Variants in GRIA3 observed in about 807,000 individuals in gnomAD.
The protein encoded by GRIA3 is glutamate receptor 3.
A neutral mutation model predicts 63.0 loss-of-function variants in GRIA3; 3 were observed. The ratio of observed to expected loss-of-function variants is 0.05; its 90% CI spans 0.02 to 0.12. The LOEUF (loss-of-function observed/expected upper bound fraction) is 0.12, where lower values mean the gene tolerates loss of function less well. GRIA3 is among the 10% of genes least tolerant of loss of function. The pLI is 1.00. For missense variants in GRIA3, 347 were observed against 700.9 expected (o/e 0.50, Z 5.70); for synonymous variants, 274 against 257.9 (o/e 1.06, Z -0.60).
At chrX:123,435,725 A>G (rs937530732) in intron 12 of GRIA3, among the ~76,000 whole-genome samples, 2 of 112,394 alleles carry the variant, frequency 1.8e-5, no homozygotes, top group Non-Finnish European at 3.8e-5. Flanking sequence ...CTCTATTATT[A>G]CATGGCTTGT....
rs112753445 is a variant in GRIA3, at chrX:123,195,805, A to G, written c.268+9815A>G. On this transcript the variant is annotated intron_variant, in intron 2 of 15. Coordinates refer to ENST00000620443, the MANE Select transcript of GRIA3 (RefSeq NM_007325.5). ...AACAGCAGAGAGAAAAGCTCTTCTC[A>G]GTAAAAACTCTATTTTGACTTTCTT... Among the ~76,000 whole-genome samples, 523 of 111,965 alleles carry G rather than the reference A, an allele frequency of 4.7e-3. 2 individuals carry two copies. The highest frequency in any genetic ancestry group is 7.7e-3 in the Non-Finnish European group (408 of 53,173).
intron 3 of GRIA3, among the ~76,000 whole-genome samples, chrX:123,260,406 C>A (rs5911562): frequency 0.017 from 83 of 5,025 alleles, no homozygotes; most frequent in South Asian, 0.12. Context: ...GAAAGAAAGA[C>A]AGACAGACAG....
intron 4 of GRIA3, among the ~76,000 whole-genome samples, chrX:123,352,123 C>G (rs945164853): frequency 9.2e-6 from 1 of 109,116 alleles, no homozygotes; most frequent in African/African-American, 3.4e-5. Flanking sequence ...TCTCGTTGCC[C>G]AGGCTGGAGT....
In GRIA3 at chrX:123,411,516, A is replaced by G. The variant is rs774311359; in HGVS notation, c.1501-5886A>G. Among the ~76,000 whole-genome samples, 5 of 111,844 alleles carry G rather than the reference A, an allele frequency of 4.5e-5. No homozygotes were observed. The South Asian group carries it at 1.9e-3, about 43-fold the overall frequency. The stretch of plus-strand genomic sequence containing the variant: ...TCTGGCTAAAACCTGTCAGATTCTT[A>G]AGTGCATCAGCCCTACACATATGAG... On this transcript the variant is annotated intron_variant, in intron 10 of 15. Coordinates refer to ENST00000620443, the MANE Select transcript of GRIA3 (RefSeq NM_007325.5).
chrX:123,350,295 T>TA (rs1191811571), intron 4 of GRIA3, among the ~76,000 whole-genome samples: 1 of 104,645 alleles, frequency 9.6e-6, no homozygotes, highest in East Asian at 3.1e-4. Context: ...TATACATAGA[T>TA]CCTTTTTTGG....
At chrX:123,234,616 C>T (rs2044292912) in intron 2 of GRIA3, among the ~76,000 whole-genome samples, 1 of 111,769 alleles carries the variant, frequency 8.9e-6, no homozygotes, top group Non-Finnish European at 1.9e-5. Context: ...TGTATCTGAT[C>T]ATTTTATACC....
At chrX:123,303,456 T>C (rs1317413121) in intron 3 of GRIA3, among the ~76,000 whole-genome samples, 1 of 111,322 alleles carries the variant, frequency 9.0e-6, no homozygotes, top group Non-Finnish European at 1.9e-5. Flanking sequence ...TTGTCATCCA[T>C]TGATGAGAGT....
At chrX:123,207,102 C>T (rs746541920) in intron 2 of GRIA3, among the ~76,000 whole-genome samples, 85 of 108,877 alleles carry the variant, frequency 7.8e-4, no homozygotes, top group African/African-American at 2.5e-3. Flanking sequence ...AATTTAGAGA[C>T]GAAGGGACCA....
intron 5 of GRIA3, among the ~76,000 whole-genome samples, chrX:123,373,212 T>A (rs1312848831): frequency 9.0e-6 from 1 of 111,565 alleles, no homozygotes; most frequent in Admixed American, 9.5e-5. Context: ...TTTTTATGGC[T>A]GCATAGTATT....
At chrX:123,186,868 G>A (rs759794757) in intron 2 of GRIA3, among the ~76,000 whole-genome samples, 4 of 111,977 alleles carry the variant, frequency 3.6e-5, no homozygotes, top group East Asian at 2.8e-4. Context: ...TAGTTGTACC[G>A]GGTGATTATT....
At chrX:123,314,097 C>G (rs1424074555) in intron 3 of GRIA3, among the ~76,000 whole-genome samples, 1 of 111,793 alleles carries the variant, frequency 8.9e-6, no homozygotes, top group East Asian at 2.8e-4. Flanking sequence ...GATCTATGGT[C>G]AGCTCTCTGC....
At chrX:123,316,936 A>C (rs2044835287) in intron 3 of GRIA3, among the ~76,000 whole-genome samples, 1 of 111,862 alleles carries the variant, frequency 8.9e-6, no homozygotes, top group Non-Finnish European at 1.9e-5. Flanking sequence ...CTACTGTATT[A>C]GTTCGTTTTC....
chrX:123,326,237 G>A (rs1305600136), intron 4 of GRIA3, 24 bp downstream of exon 4: 4 of 1,141,980 alleles, frequency 3.5e-6, no homozygotes, highest in East Asian at 3.0e-5. Flanking sequence ...TTATTTCACC[G>A]CCAGCCAACA....
At chrX:123,196,060 T>C (rs1927568246) in intron 2 of GRIA3, among the ~76,000 whole-genome samples, 2 of 111,036 alleles carry the variant, frequency 1.8e-5, no homozygotes, top group Non-Finnish European at 3.8e-5. Context: ...TACATCACCA[T>C]TGGTGGGGGG....
intron 13 of GRIA3, among the ~76,000 whole-genome samples, chrX:123,475,494 C>A (rs992014979): frequency 4.5e-5 from 5 of 111,864 alleles, no homozygotes; most frequent in Non-Finnish European, 9.4e-5. Flanking sequence ...TGACTCATGT[C>A]TTTGTCTTAA....
intron 2 of GRIA3, among the ~76,000 whole-genome samples, chrX:123,220,019 TG>T (rs763045198): frequency 8.9e-6 from 1 of 112,289 alleles, no homozygotes; most frequent in South Asian, 3.8e-4. Context: ...TAGATTTGGA[TG>T]TGAACAGCAG....
chrX:123,253,824 T>G lies in GRIA3; in HGVS notation c.508+282T>G. The G allele has an allele frequency of 9.9e-6, 3 of 302,350 alleles. No individual in the cohort carries two copies. In the South Asian group the frequency reaches 1.6e-4, roughly 17 times the overall value. The allele number at this position is 302,350 out of a possible 1,213,427, so 24.9% of individuals were successfully genotyped here. ...AAGAACGCCTCCCCCATCAAAAATT[T>G]TATCTGGTCTAAAATGTATGAAGTA... On this transcript the variant is annotated intron_variant, in intron 3 of 15. Coordinates refer to ENST00000620443, the MANE Select transcript of GRIA3 (RefSeq NM_007325.5).
At chrX:123,359,225 T>C (rs1480412718) in intron 5 of GRIA3, among the ~76,000 whole-genome samples, 1 of 112,059 alleles carries the variant, frequency 8.9e-6, no homozygotes, top group East Asian at 2.8e-4. Flanking sequence ...ATCCCAGCAA[T>C]TCTGTGATTT....
intron 11 of GRIA3, among the ~76,000 whole-genome samples, chrX:123,419,555 C>A (rs757345253): frequency 9.0e-6 from 1 of 110,964 alleles, no homozygotes; most frequent in South Asian, 3.8e-4. Context: ...ACAGAAAGTA[C>A]GTTAGTTGTT....
Sources: allele counts gnomAD v4.1 joint callset (sites outside exome capture counted in the v4.1 genomes callset), GRCh38; gene constraint gnomAD v4.1.1; transcripts MANE v1.5; gene names NCBI Gene and HGNC (gene_info 2026-07-23, HGNC 2026-07-21).